The following USP13 variants were observed in gnomAD, a reference collection of about 807,000 sequenced individuals.
USP13 encodes ubiquitin specific peptidase 13, also known as ubiquitin carboxyl-terminal hydrolase 13.
USP13 carries 68 observed loss-of-function variants against 107.8 expected under a neutral mutation model. The ratio of observed to expected loss-of-function variants is 0.63; its 90% CI spans 0.52 to 0.77. The LOEUF (loss-of-function observed/expected upper bound fraction) is 0.77. Among genes scored for constraint, USP13 ranks in the 30% least tolerant of loss-of-function variants. USP13 has a pLI of 0.00. For synonymous variants in USP13, 377 were observed against 389.5 expected (o/e 0.97, Z 0.38); for missense variants, 945 against 1,093.3 (o/e 0.86, Z 1.91).
At chr3:179,689,722 G>A (rs1468206614) in intron 2 of USP13, among the ~76,000 whole-genome samples, 1 of 151,976 alleles carries the variant, frequency 6.6e-6, no homozygotes, top group African/African-American at 2.4e-5. Flanking sequence ...GCCACTTGTC[G>A]GTGCTCCAAA....
chr3:179,726,088 C>G (rs1484298376), intron 8 of USP13, among the ~76,000 whole-genome samples: 2 of 151,850 alleles, frequency 1.3e-5, no homozygotes, highest in South Asian at 4.2e-4. Flanking sequence ...CAGTCAGAAG[C>G]AGATGGTAGG....
chr3:179,691,979 T>C (rs572640150), intron 3 of USP13, among the ~76,000 whole-genome samples: 38 of 152,372 alleles, frequency 2.5e-4, no homozygotes, highest in Admixed American at 1.4e-3. Flanking sequence ...GTTTCCATAG[T>C]ATGATTTCAT....
intron 13 of USP13, among the ~76,000 whole-genome samples, chr3:179,746,101 G>T (rs1011351479): frequency 6.6e-6 from 1 of 151,064 alleles, no homozygotes; most frequent in African/African-American, 2.4e-5. Context: ...TTGAGATTTT[G>T]GCTAACATAA....
chr3:179,715,193 C>T (rs909752702), intron 6 of USP13, among the ~76,000 whole-genome samples: 1 of 148,390 alleles, frequency 6.7e-6, no homozygotes, highest in African/African-American at 2.5e-5. Flanking sequence ...TGTTCTCTCT[C>T]TCTATTTTTT....
chr3:179,762,825 A>AGGG (rs1486932014), intron 17 of USP13, among the ~76,000 whole-genome samples: 1 of 152,238 alleles, frequency 6.6e-6, no homozygotes. Flanking sequence ...ACTGTTTTAC[A>AGGG]CAGTGGCTGA....
At chr3:179,686,450 C>T (rs774680613) in intron 2 of USP13, among the ~76,000 whole-genome samples, 13 of 152,094 alleles carry the variant, frequency 8.5e-5, no homozygotes, top group African/African-American at 2.4e-4. Flanking sequence ...GGAATGGTGG[C>T]GCATGCCTTA....
In USP13 at chr3:179,721,306, C is replaced by A; in HGVS notation, c.901-96C>A. 1.5e-6 allele frequency: 2 copies of A among 1,363,924 alleles called. No individual in the cohort carries two copies. Among genetic ancestry groups the A allele is most frequent in the South Asian group, 1.5e-5 (1 of 67,342 alleles). 84.5% of individuals were successfully genotyped at this position (1,363,924 alleles called of 1,614,324 possible). ...TCTATGTAATTGGGGAAAAAAATGG[C>A]AGAAACATCCTATGCTGTTAGAAAT... On this transcript the variant is annotated intron_variant, in intron 7 of 20. Coordinates refer to ENST00000263966, the MANE Select transcript of USP13 (RefSeq NM_003940.3). The surrounding 1 kb of genome is among the most constrained non-coding windows in gnomAD (Gnocchi z 4.3).
chr3:179,764,197 G>C (rs1278581948), intron 18 of USP13, 29 bp downstream of exon 18: 2 of 1,574,234 alleles, frequency 1.3e-6, no homozygotes, highest in Non-Finnish European at 1.7e-6. Context: ...GTGTGTGTGT[G>C]TGTGTGTGTG....
chr3:179,657,631 GCA>G (rs1172062616), intron 1 of USP13, among the ~76,000 whole-genome samples: 2 of 151,442 alleles, frequency 1.3e-5, no homozygotes, highest in Non-Finnish European at 2.9e-5. Context: ...GGGTGTGGTG[GCA>G]CGCACCTGTA....
chr3:179,761,582 C>G (rs1054568452), intron 17 of USP13, among the ~76,000 whole-genome samples: 1 of 152,058 alleles, frequency 6.6e-6, no homozygotes, highest in Non-Finnish European at 1.5e-5. Context: ...ATTAGCTGGG[C>G]ATGGTGGTGC....
chr3:179,708,758 C>G lies in USP13; in HGVS notation c.621-15C>G, dbSNP rs775475938. Reference sequence around the variant, plus strand: ...ATGCCCTGGCTGTTCTGACTACTCTCCAATGGCTTTCCAGTGGTTGGAAGT... The same window carrying G: ...ATGCCCTGGCTGTTCTGACTACTCTGCAATGGCTTTCCAGTGGTTGGAAGT... On this transcript the variant is annotated splice_polypyrimidine_tract_variant and intron_variant, in intron 5 of 20. Coordinates refer to ENST00000263966, the MANE Select transcript of USP13 (RefSeq NM_003940.3). The G allele has an allele frequency of 1.2e-6, 2 of 1,613,784 alleles. No homozygotes were observed. Among genetic ancestry groups the G allele is most frequent in the East Asian group, 2.2e-5 (1 of 44,876 alleles).
intron 16 of USP13, among the ~76,000 whole-genome samples, chr3:179,759,032 A>G (rs1207318206): frequency 6.6e-6 from 1 of 151,770 alleles, no homozygotes; most frequent in Non-Finnish European, 1.5e-5. Flanking sequence ...CCCAGGCTGG[A>G]GTACAGTGGC....
At chr3:179,723,834 C>T (rs111582802) in intron 8 of USP13, among the ~76,000 whole-genome samples, 1 of 152,128 alleles carries the variant, frequency 6.6e-6, no homozygotes, top group Non-Finnish European at 1.5e-5. Flanking sequence ...GATTCAGGAG[C>T]AGTGTCTTCA....
chr3:179,662,306 G>A (rs778702688), intron 1 of USP13, among the ~76,000 whole-genome samples: 22 of 152,106 alleles, frequency 1.4e-4, no homozygotes, highest in Non-Finnish European at 2.5e-4. Context: ...TGGAGGTGAG[G>A]TTTGGGGCTC....
intron 1 of USP13, among the ~76,000 whole-genome samples, chr3:179,674,039 A>G (rs1292997573): frequency 1.3e-5 from 2 of 152,142 alleles, no homozygotes; most frequent in Non-Finnish European, 2.9e-5. Context: ...GATTACAGGC[A>G]TGTGCCACTA....
At chr3:179,776,150 TC>T (rs928500498) in intron 19 of USP13, among the ~76,000 whole-genome samples, 4 of 151,986 alleles carry the variant, frequency 2.6e-5, no homozygotes, top group Admixed American at 1.3e-4. Context: ...ACTAAGTTCA[TC>T]CCCCTAGATC....
intron 1 of USP13, among the ~76,000 whole-genome samples, chr3:179,660,850 CAT>C (rs1720437035): frequency 6.6e-6 from 1 of 152,188 alleles, no homozygotes; most frequent in South Asian, 2.1e-4. Flanking sequence ...ATTAGTTTCA[CAT>C]GTCAAAAGCT....
chr3:179,774,737 G>C (rs966712523), intron 19 of USP13, among the ~76,000 whole-genome samples: 12 of 152,184 alleles, frequency 7.9e-5, no homozygotes, highest in African/African-American at 1.7e-4. Flanking sequence ...CTGCTGGCTC[G>C]GGCAGCCTGC....
rs1476300909 is a variant in USP13 at position 179,742,390 on chromosome 3, C to T, written c.1534+40C>T. 6.2e-7 allele frequency: 1 copy of T among 1,611,362 alleles called. No homozygotes were observed. Among genetic ancestry groups the T allele is most frequent in the Non-Finnish European group, 8.5e-7 (1 of 1,178,016 alleles). On this transcript the variant is annotated intron_variant, in intron 12 of 20. Coordinates refer to ENST00000263966, the MANE Select transcript of USP13 (RefSeq NM_003940.3). The surrounding 1 kb of genome is among the most constrained non-coding windows in gnomAD (Gnocchi z 5.0). ...GCGGGAAATTGGTACTGTGTGTCTT[C>T]ATATGGGAAAACCCTCAAATCAGAG... is the stretch of plus-strand genomic sequence containing the variant.
Sources: gnomAD v4.1 joint callset for allele counts (sites outside exome capture counted in the v4.1 genomes callset) on GRCh38, gnomAD v4.1.1 for gene constraint, Gnocchi (gnomAD v3.1) non-coding constraint, MANE v1.5 for transcripts, NCBI Gene and HGNC (gene_info 2026-07-23, HGNC 2026-07-21) for gene names.